TRHDE: variants seen among roughly 807,000 people sequenced by gnomAD.
TRHDE encodes thyrotropin releasing hormone degrading enzyme.
In TRHDE, 72 loss-of-function variants were observed where a neutral mutation model predicts 125.7. The ratio of observed to expected loss-of-function variants is 0.57; its 90% CI spans 0.47 to 0.70. The LOEUF (loss-of-function observed/expected upper bound fraction) is 0.70. Ranked by LOEUF, TRHDE falls within the 30% of genes least tolerant of loss-of-function variation. The probability of loss-of-function intolerance (pLI) is 0.00; values close to 1 mark genes in which losing one functional copy is unlikely to be tolerated. For missense variants in TRHDE, 1,110 were observed against 1,327.1 expected, an observed-to-expected ratio of 0.84 and a Z score of 2.54; for synonymous variants, 509 against 509.1, an observed-to-expected ratio of 1.00 and a Z score of 0.00.
In TRHDE at chr12:72,653,090, G is replaced by T. The variant is rs771688480; in HGVS notation, c.2918G>T (p.Arg973Leu). 2 of 1,608,414 alleles carry T rather than the reference G, an allele frequency of 1.2e-6. No individual in the cohort carries two copies. The highest frequency in any genetic ancestry group is 1.7e-6 in the Non-Finnish European group (2 of 1,176,736). Residue 973 changes from arginine to leucine, a missense_variant, in exon 17 of 19, where the codon CGA becomes CTA. This residue lies in a region of TRHDE where 527 missense variants were observed against 651.8 expected (regional missense o/e 0.81). Coordinates refer to ENST00000261180, the MANE Select transcript of TRHDE (RefSeq NM_013381.3). ...DAIDVIIHVA[R>L]NPHGRDLAWK... ...ATTGATGTCATAATCCATGTAGCTC[G>T]AAATCCACATGGTCGAGACCTTGCC...
At chr12:72,580,382 GC>G (rs1232684028) in intron 12 of TRHDE, among the ~76,000 whole-genome samples, 1 of 152,120 alleles carries the variant, frequency 6.6e-6, no homozygotes, top group African/African-American at 2.4e-5. Flanking sequence ...TTGTATTATG[GC>G]TTGCACTTTA....
chr12:72,526,083 G>A (rs1474520660), intron 6 of TRHDE, among the ~76,000 whole-genome samples: 1 of 151,950 alleles, frequency 6.6e-6, no homozygotes. Flanking sequence ...ATTATATCTA[G>A]TTTTTAAAAC....
rs575014132 is a variant in TRHDE at position 72,451,376 on chromosome 12, G to A, written c.1316-18382G>A. 3.9e-5 allele frequency among the ~76,000 whole-genome samples: 6 copies of A among 152,246 alleles called. No homozygotes were observed. The South Asian group carries it at 1.2e-3, about 32-fold the overall frequency. ...AGCTTTTCCAGCACCATTTATTGAAGGGACTGTCCTTTCTCTATTGTGTGT... is the reference window on the plus strand; with the variant it reads ...AGCTTTTCCAGCACCATTTATTGAAAGGACTGTCCTTTCTCTATTGTGTGT... On this transcript the variant is annotated intron_variant, in intron 3 of 18. Transcript: ENST00000261180.
intron 2 of TRHDE, among the ~76,000 whole-genome samples, chr12:72,128,310 C>T (rs545057496): frequency 1.3e-5 from 2 of 152,190 alleles, no homozygotes; most frequent in Admixed American, 1.3e-4. Context: ...TCCAGATTTG[C>T]CAACTGATTT....
In TRHDE at chr12:72,286,674, T is replaced by C. The variant is rs1364945742; in HGVS notation, c.915-7T>C. ...TGTAATTGAGAATGTCATTTTCTTT[T>C]TTCCAGATTCCTTGGTGTTACTCAG... is the stretch of plus-strand genomic sequence containing the variant. On this transcript the variant is annotated splice_region_variant and splice_polypyrimidine_tract_variant and intron_variant, in intron 1 of 18. Transcript: ENST00000261180. 2 of 1,610,376 alleles carry C rather than the reference T, an allele frequency of 1.2e-6. No homozygotes were observed. Among genetic ancestry groups the C allele is most frequent in the East Asian group, 2.2e-5 (1 of 44,840 alleles).
At chr12:72,117,488 C>T (rs1279461110) in intron 2 of TRHDE, among the ~76,000 whole-genome samples, 1 of 151,968 alleles carries the variant, frequency 6.6e-6, no homozygotes, top group Non-Finnish European at 1.5e-5. Flanking sequence ...AGTTCTGTAG[C>T]ATAATTTGAA....
intron 2 of TRHDE, among the ~76,000 whole-genome samples, chr12:72,261,572 T>A (rs1053144125): frequency 6.6e-6 from 1 of 152,202 alleles, no homozygotes; most frequent in African/African-American, 2.4e-5. Flanking sequence ...TTTTAGATAT[T>A]TATTGTTCAT....
intron 6 of TRHDE, among the ~76,000 whole-genome samples, chr12:72,517,790 A>G (rs1219557911): frequency 6.6e-6 from 1 of 151,402 alleles, no homozygotes; most frequent in Non-Finnish European, 1.5e-5. Context: ...TTAGTGCTAT[A>G]AATTTCCCTC....
At chr12:72,124,069 A>G (rs1875656650) in intron 2 of TRHDE, among the ~76,000 whole-genome samples, 1 of 152,164 alleles carries the variant, frequency 6.6e-6, no homozygotes, top group South Asian at 2.1e-4. Flanking sequence ...TGCACAGAAC[A>G]ACAAAACCAC....
At chr12:72,215,772 T>A (rs995053523) in intron 2 of TRHDE, among the ~76,000 whole-genome samples, 1 of 152,160 alleles carries the variant, frequency 6.6e-6, no homozygotes, top group East Asian at 1.9e-4. Context: ...ATGGCGGCAG[T>A]GACACCTGAA....
chr12:72,129,586 A>G (rs1875813727), intron 2 of TRHDE, among the ~76,000 whole-genome samples: 1 of 152,240 alleles, frequency 6.6e-6, no homozygotes, highest in Non-Finnish European at 1.5e-5. Flanking sequence ...TTTGTATGTA[A>G]CAGAGAAACT....
At chr12:72,299,148 A>G (rs1226887948) in intron 2 of TRHDE, among the ~76,000 whole-genome samples, 1 of 152,196 alleles carries the variant, frequency 6.6e-6, no homozygotes, top group Non-Finnish European at 1.5e-5. Context: ...GTTGAGATAT[A>G]TTAATATTTC....
chr12:72,161,368 A>C (rs977498422), intron 2 of TRHDE, among the ~76,000 whole-genome samples: 8 of 151,100 alleles, frequency 5.3e-5, no homozygotes, highest in Admixed American at 3.3e-4. Context: ...GGGAGGTGGA[A>C]GTTGCAGTGA....
intron 3 of TRHDE, among the ~76,000 whole-genome samples, chr12:72,433,132 C>T (rs1320934605): frequency 6.6e-6 from 1 of 151,972 alleles, no homozygotes; most frequent in Non-Finnish European, 1.5e-5. Context: ...GCAATCTTTC[C>T]TTACTGGGAT....
At chr12:72,388,438 A>C (rs1319324686) in intron 3 of TRHDE, among the ~76,000 whole-genome samples, 4 of 152,128 alleles carry the variant, frequency 2.6e-5, no homozygotes. Flanking sequence ...CTGTTGGTTC[A>C]CTGCTCTATT....
At chr12:72,211,456 A>C (rs769351553) in intron 2 of TRHDE, among the ~76,000 whole-genome samples, 1 of 152,250 alleles carries the variant, frequency 6.6e-6, no homozygotes, top group Non-Finnish European at 1.5e-5. Context: ...CATTTTATAA[A>C]GATAAAATAG....
intron 2 of TRHDE, among the ~76,000 whole-genome samples, chr12:72,331,579 G>A (rs1449396143): frequency 6.6e-6 from 1 of 152,208 alleles, no homozygotes; most frequent in Non-Finnish European, 1.5e-5. Context: ...GGTGGCATCA[G>A]GTATGGCTGA....
At chr12:72,489,462 A>G (rs1045044820) in intron 5 of TRHDE, among the ~76,000 whole-genome samples, 4 of 151,926 alleles carry the variant, frequency 2.6e-5, no homozygotes, top group African/African-American at 9.7e-5. Flanking sequence ...TCAAAATCCC[A>G]AGGGCATTAT....
intron 6 of TRHDE, among the ~76,000 whole-genome samples, chr12:72,540,652 G>A (rs1490081901): frequency 1.3e-5 from 2 of 151,492 alleles, no homozygotes; most frequent in African/African-American, 2.4e-5. Context: ...CGATTATACT[G>A]GGAAATATAT....
Sources: gnomAD v4.1 joint callset for allele counts (sites outside exome capture counted in the v4.1 genomes callset) on GRCh38, gnomAD v4.1.1 for gene constraint, gnomAD v4.1.1 regional missense constraint, MANE v1.5 for transcripts, NCBI Gene and HGNC (gene_info 2026-07-23, HGNC 2026-07-21) for gene names.